The following TMEM163 variants were observed in gnomAD, a reference collection of about 807,000 sequenced individuals.
The protein encoded by TMEM163 is transmembrane protein 163.
Under a neutral mutation model 29.3 loss-of-function variants are expected in TMEM163, and 17 were observed. The ratio of observed to expected loss-of-function variants is 0.58; its 90% CI spans 0.40 to 0.87. The LOEUF (loss-of-function observed/expected upper bound fraction) is 0.87, where lower values mean the gene tolerates loss of function less well. TMEM163 is among the 40% of genes least tolerant of loss of function. The probability of loss-of-function intolerance (pLI) is 0.00; values close to 1 mark genes in which losing one functional copy is unlikely to be tolerated. For missense variants in TMEM163, 303 were observed against 381.5 expected (o/e 0.79, Z 1.71); for synonymous variants, 157 against 160.6 (o/e 0.98, Z 0.17).
intron 2 of TMEM163, among the ~76,000 whole-genome samples, chr2:134,670,016 C>T (rs1470740097): frequency 6.6e-6 from 1 of 152,098 alleles, no homozygotes; most frequent in Non-Finnish European, 1.5e-5. Flanking sequence ...ATGAGGGGCT[C>T]CCAAACTCCT....
chr2:134,483,984 AC>A lies in TMEM163; in HGVS notation c.556-17760del, dbSNP rs569246264. On this transcript the variant is annotated intron_variant, in intron 5 of 7. Coordinates refer to ENST00000281924, the MANE Select transcript of TMEM163 (RefSeq NM_030923.5). Reference sequence around the variant, plus strand: ...CATGGCAAAACCTCATCTCTACAATACAAAAAAATTAGCTGGGTGTGGTGGC... The same window carrying A: ...CATGGCAAAACCTCATCTCTACAATAAAAAAAATTAGCTGGGTGTGGTGGC... 3.4e-4 allele frequency among the ~76,000 whole-genome samples: 52 copies of A among 152,274 alleles called. 1 individual carries two copies. Among genetic ancestry groups the A allele is most frequent in the African/African-American group, 1.1e-3 (47 of 41,552 alleles).
At chr2:134,523,380 A>G (rs993439664) in intron 4 of TMEM163, among the ~76,000 whole-genome samples, 3 of 152,206 alleles carry the variant, frequency 2.0e-5, no homozygotes, top group Non-Finnish European at 4.4e-5. Flanking sequence ...ATGTAACAGG[A>G]AAGAGCTGAG....
chr2:134,683,989 C>T (rs376016781), intron 2 of TMEM163, among the ~76,000 whole-genome samples: 44 of 152,242 alleles, frequency 2.9e-4, no homozygotes, highest in African/African-American at 1.0e-3. Context: ...GGGCATTTTA[C>T]CAGCAATGAC....
chr2:134,554,621 G>C (rs1285162981), intron 2 of TMEM163, among the ~76,000 whole-genome samples: 1 of 152,046 alleles, frequency 6.6e-6, no homozygotes, highest in African/African-American at 2.4e-5. Context: ...ATTTCAAGTA[G>C]ACATTCACTT....
At chr2:134,587,658 A>G (rs1452731317) in intron 2 of TMEM163, among the ~76,000 whole-genome samples, 1 of 152,214 alleles carries the variant, frequency 6.6e-6, no homozygotes, top group East Asian at 1.9e-4. Flanking sequence ...TAAGACTCTC[A>G]ATAAGAAAGC....
intron 2 of TMEM163, among the ~76,000 whole-genome samples, chr2:134,689,913 GGTTT>G (rs71400515): frequency 0.15 from 23,337 of 151,366 alleles, 2,159 homozygotes; most frequent in Middle Eastern, 0.36. Flanking sequence ...GCTCCTTTGC[GGTTT>G]GTTTGTTTGT....
chr2:134,661,933 T>C (rs1391820363), intron 2 of TMEM163, among the ~76,000 whole-genome samples: 5 of 139,618 alleles, frequency 3.6e-5, no homozygotes, highest in Admixed American at 7.1e-5. Context: ...TTCTTTCTTT[T>C]TTTTTTTTTT....
At chr2:134,617,654 T>C (rs1682638606) in intron 2 of TMEM163, among the ~76,000 whole-genome samples, 1 of 140,678 alleles carries the variant, frequency 7.1e-6, no homozygotes, top group Admixed American at 7.1e-5. Flanking sequence ...AAATATTTGA[T>C]TAATATACAA....
chr2:134,662,375 G>A (rs748846849), intron 2 of TMEM163, among the ~76,000 whole-genome samples: 3 of 152,192 alleles, frequency 2.0e-5, no homozygotes, highest in Non-Finnish European at 4.4e-5. Context: ...TAAGGAAAGA[G>A]ACAATATAAG....
chr2:134,699,626 G>GAA (rs1684654531), intron 2 of TMEM163, among the ~76,000 whole-genome samples: 2 of 152,064 alleles, frequency 1.3e-5, no homozygotes, highest in African/African-American at 4.8e-5. Context: ...AAAAGTGTTT[G>GAA]AAAAACACTG....
intron 2 of TMEM163, among the ~76,000 whole-genome samples, chr2:134,630,371 A>AAT (rs1553486933): frequency 1.3e-5 from 2 of 149,882 alleles, no homozygotes; most frequent in African/African-American, 4.9e-5. Flanking sequence ...AAAAAAAAAA[A>AAT]CTCTAAATAA....
intron 2 of TMEM163, among the ~76,000 whole-genome samples, chr2:134,670,594 T>C (rs1012470982): frequency 6.6e-6 from 1 of 152,120 alleles, no homozygotes; most frequent in African/African-American, 2.4e-5. Context: ...GTGACGTTCA[T>C]CAAATTCACT....
At chr2:134,713,089 A>G in intron 2 of TMEM163, 111 bp downstream of exon 2, 3 of 1,483,486 alleles carry the variant, frequency 2.0e-6, no homozygotes, top group Non-Finnish European at 2.7e-6. Context: ...AATCTAAAAA[A>G]ATTTACTCAT....
intron 4 of TMEM163, among the ~76,000 whole-genome samples, chr2:134,508,129 C>T (rs549945): frequency 0.62 from 94,600 of 152,088 alleles, 31,665 homozygotes; most frequent in East Asian, 0.96. Flanking sequence ...CCCTTGTCAT[C>T]TGTAGGTTTA....
chr2:134,586,595 AG>A (rs1681828886), intron 2 of TMEM163, among the ~76,000 whole-genome samples: 1 of 152,216 alleles, frequency 6.6e-6, no homozygotes. Context: ...TTATTTCCAA[AG>A]GAAGTCACAT....
At chr2:134,486,318 G>C (rs1449134986) in intron 5 of TMEM163, among the ~76,000 whole-genome samples, 1 of 152,052 alleles carries the variant, frequency 6.6e-6, no homozygotes, top group Non-Finnish European at 1.5e-5. Context: ...CACAAGGAAG[G>C]CACTACTAAC....
intron 2 of TMEM163, among the ~76,000 whole-genome samples, chr2:134,636,318 A>G (rs1053796343): frequency 2.2e-4 from 33 of 152,258 alleles, no homozygotes; most frequent in African/African-American, 8.0e-4. Flanking sequence ...TCTACAGTCC[A>G]CAAGAATTAC....
Position 134,618,133 on chromosome 2 carries a change from A to C in TMEM163, c.323-66042T>G, listed in dbSNP as rs150073839. ...TGACTCAGAAAAAATAATGAAAAAA[A>C]AGGCAAGCTCCAACTAGATGCTATC... On this transcript the variant is annotated intron_variant, in intron 2 of 7. Transcript: ENST00000281924. Among the ~76,000 whole-genome samples, 681 of 152,260 alleles carry C rather than the reference A, an allele frequency of 4.5e-3. 9 individuals are homozygous for C. The East Asian group carries it at 0.052, about 12-fold the overall frequency.
chr2:134,572,040 T>C (rs1195848065), intron 2 of TMEM163, among the ~76,000 whole-genome samples: 1 of 152,198 alleles, frequency 6.6e-6, no homozygotes, highest in Non-Finnish European at 1.5e-5. Context: ...AGGGCCAACC[T>C]TGCAAGCAGG....
Sources: allele counts gnomAD v4.1 joint callset (sites outside exome capture counted in the v4.1 genomes callset), GRCh38; gene constraint gnomAD v4.1.1; transcripts MANE v1.5; gene names NCBI Gene and HGNC (gene_info 2026-07-23, HGNC 2026-07-21).